Variants in ST8SIA5 observed in about 807,000 individuals in gnomAD.
ST8SIA5 encodes alpha-2,8-sialyltransferase 8E.
In ST8SIA5, 24 loss-of-function variants were observed where a neutral mutation model predicts 40.2. The observed-to-expected ratio is 0.60, with a 90% confidence interval of 0.43 to 0.84. ST8SIA5 has a LOEUF of 0.84. Ranked by LOEUF, ST8SIA5 falls within the 40% of genes least tolerant of loss-of-function variation. The pLI is 0.00. For synonymous variants in ST8SIA5, 198 were observed against 201.8 expected (o/e 0.98, Z 0.16); for missense variants, 465 against 498.5 (o/e 0.93, Z 0.64).
chr18:46,751,408 A>AT lies in ST8SIA5; in HGVS notation c.131+4969dup, dbSNP rs58486510. Among the ~76,000 whole-genome samples the AT allele has an allele frequency of 2.0e-3, 299 of 151,720 alleles. 1 individual carries two copies. Among genetic ancestry groups the AT allele is most frequent in the African/African-American group, 6.8e-3 (283 of 41,356 alleles). On this transcript the variant is annotated intron_variant, in intron 1 of 6. Transcript: ENST00000315087. The stretch of plus-strand genomic sequence containing the variant: ...TTTAATTTTTAAATTTTATTTATTT[A>AT]TTTTTTGAGACAGAGTCTCGCTCTG...
At chr18:46,702,926 C>A (rs1198211786) in intron 2 of ST8SIA5, among the ~76,000 whole-genome samples, 1 of 152,202 alleles carries the variant, frequency 6.6e-6, no homozygotes, top group Non-Finnish European at 1.5e-5. Context: ...ATAAACAATG[C>A]AGCTAATCCC....
intron 4 of ST8SIA5, 137 bp from the exon 5 acceptor site, chr18:46,686,423 G>T: frequency 1.4e-6 from 1 of 703,304 alleles, no homozygotes; most frequent in Non-Finnish European, 2.5e-6. Context: ...TGGGAGGAAA[G>T]CGGCTTTCCA....
rs957209986 is a variant in ST8SIA5 at position 46,675,075 on chromosome 18, T to C, written c.*4967A>G. On this transcript the variant is annotated 3_prime_UTR_variant, in exon 7 of 7. Transcript: ENST00000315087. ...TCTGAAAGCAAAAAGATCCATCAGATGGTCTGGGTTAGGGCAGTAGCAGAG... is the reference window on the plus strand; with the variant it reads ...TCTGAAAGCAAAAAGATCCATCAGACGGTCTGGGTTAGGGCAGTAGCAGAG... 2.0e-5 allele frequency: 3 copies of C among 152,080 alleles called. No individual in the cohort carries two copies. The highest frequency in any genetic ancestry group is 7.2e-5 in the African/African-American group (3 of 41,392). The allele number at this position is 152,080 out of a possible 1,614,324, so 9.4% of individuals were successfully genotyped here.
At chr18:46,752,295 CT>C (rs2040203064) in intron 1 of ST8SIA5, among the ~76,000 whole-genome samples, 1 of 152,076 alleles carries the variant, frequency 6.6e-6, no homozygotes, top group East Asian at 1.9e-4. Flanking sequence ...CTAGGCGTGC[CT>C]TTCTGTCTTC....
Position 46,692,161 on chromosome 18 carries a change from A to G in ST8SIA5, c.311+8T>C. On this transcript the variant is annotated splice_region_variant and intron_variant, in intron 3 of 6. Transcript: ENST00000315087. ...AAGGAGAAGGGAGGACAGACGAATCATAGATACTTGAACTGGTTGGCCTCA... is the reference window on the plus strand; with the variant it reads ...AAGGAGAAGGGAGGACAGACGAATCGTAGATACTTGAACTGGTTGGCCTCA... The G allele has an allele frequency of 6.2e-7, 1 of 1,614,022 alleles. No homozygotes were observed. The highest frequency in any genetic ancestry group is 8.5e-7 in the Non-Finnish European group (1 of 1,179,898).
intron 1 of ST8SIA5, among the ~76,000 whole-genome samples, chr18:46,710,464 C>T (rs1051686865): frequency 8.7e-5 from 11 of 125,960 alleles, no homozygotes; most frequent in Non-Finnish European, 1.6e-5. Flanking sequence ...TCTTTCCTTC[C>T]TTCCTTCTCC....
At chr18:46,709,206 A>G (rs1037652979) in intron 1 of ST8SIA5, among the ~76,000 whole-genome samples, 1 of 152,216 alleles carries the variant, frequency 6.6e-6, no homozygotes, top group African/African-American at 2.4e-5. Context: ...TTTGGGAGGT[A>G]ATTAGGTTAT....
chr18:46,689,618 G>A (rs1193301918), intron 3 of ST8SIA5, among the ~76,000 whole-genome samples: 1 of 149,616 alleles, frequency 6.7e-6, no homozygotes, highest in African/African-American at 2.5e-5. Flanking sequence ...CTGTCACCCA[G>A]GTTGGAGTTC....
At chr18:46,712,309 C>T (rs777298070) in intron 1 of ST8SIA5, among the ~76,000 whole-genome samples, 29 of 152,176 alleles carry the variant, frequency 1.9e-4, no homozygotes, top group Non-Finnish European at 3.4e-4. Context: ...GGCACCCTAG[C>T]CAAGAGATAC....
intron 6 of ST8SIA5, among the ~76,000 whole-genome samples, chr18:46,681,579 A>T (rs1187983738): frequency 6.6e-6 from 1 of 152,160 alleles, no homozygotes; most frequent in East Asian, 1.9e-4. Flanking sequence ...CCAGGTAGGG[A>T]GCTGCCTGCC....
At chr18:46,715,155 G>T (rs1307419685) in intron 1 of ST8SIA5, among the ~76,000 whole-genome samples, 1 of 152,230 alleles carries the variant, frequency 6.6e-6, no homozygotes, top group African/African-American at 2.4e-5. Context: ...CTTCCCAGTT[G>T]GGTGAAGCTC....
At chr18:46,744,610 A>G (rs1365678858) in intron 1 of ST8SIA5, among the ~76,000 whole-genome samples, 1 of 152,206 alleles carries the variant, frequency 6.6e-6, no homozygotes, top group East Asian at 1.9e-4. Context: ...CCACACAATA[A>G]TAATGGGAGA....
At chr18:46,736,286 C>T (rs578014967) in intron 1 of ST8SIA5, among the ~76,000 whole-genome samples, 2 of 152,272 alleles carry the variant, frequency 1.3e-5, no homozygotes, top group South Asian at 2.1e-4. Flanking sequence ...CAGTGCAGGG[C>T]TAGTACACAA....
intron 6 of ST8SIA5, among the ~76,000 whole-genome samples, chr18:46,681,259 T>C (rs2144458539): frequency 6.6e-6 from 1 of 152,280 alleles, no homozygotes; most frequent in East Asian, 1.9e-4. Flanking sequence ...GTTATAGGCA[T>C]GAGCCACCAC....
At chr18:46,693,623 C>G (rs1324439150) in intron 2 of ST8SIA5, among the ~76,000 whole-genome samples, 1 of 152,194 alleles carries the variant, frequency 6.6e-6, no homozygotes, top group African/African-American at 2.4e-5. Flanking sequence ...TACATATAAT[C>G]ATTTCAGTGC....
chr18:46,743,755 C>T (rs1457940988), intron 1 of ST8SIA5, among the ~76,000 whole-genome samples: 1 of 152,064 alleles, frequency 6.6e-6, no homozygotes, highest in African/African-American at 2.4e-5. Flanking sequence ...CCCCAAGACA[C>T]ATAATTGTCA....
intron 1 of ST8SIA5, among the ~76,000 whole-genome samples, chr18:46,729,115 C>T (rs1384676941): frequency 6.6e-6 from 1 of 152,170 alleles, no homozygotes; most frequent in Non-Finnish European, 1.5e-5. Flanking sequence ...AGCACCACCA[C>T]TTCCCTGAGG....
At chr18:46,695,018 G>C (rs1209268075) in intron 2 of ST8SIA5, among the ~76,000 whole-genome samples, 2 of 152,066 alleles carry the variant, frequency 1.3e-5, no homozygotes, top group Non-Finnish European at 2.9e-5. Flanking sequence ...AATTAGCCGG[G>C]CATGGCAGTG....
At chr18:46,733,640 G>A (rs1020702115) in intron 1 of ST8SIA5, among the ~76,000 whole-genome samples, 9 of 152,174 alleles carry the variant, frequency 5.9e-5, no homozygotes, top group Non-Finnish European at 1.2e-4. Flanking sequence ...GGGTGGGGGA[G>A]GAATGTTATT....
Sources: allele counts gnomAD v4.1 joint callset (sites outside exome capture counted in the v4.1 genomes callset), GRCh38; gene constraint gnomAD v4.1.1; transcripts MANE v1.5; gene names NCBI Gene and HGNC (gene_info 2026-07-23, HGNC 2026-07-21).